The following UGT2B7 variants were observed in gnomAD, a reference collection of about 807,000 sequenced individuals.
UGT2B7 encodes the protein UDP-glucuronosyltransferase 2B7.
Under a neutral mutation model 51.9 loss-of-function variants are expected in UGT2B7, and 51 were observed. The observed-to-expected ratio is 0.98, with a 90% CI of 0.78 to 1.24. UGT2B7 has a LOEUF of 1.24. UGT2B7 is among the 50% of genes most tolerant of loss of function. The pLI is 0.00. For missense variants in UGT2B7, 727 were observed against 628.4 expected, an observed-to-expected ratio of 1.16 and a Z score of -1.68; for synonymous variants, 225 against 211.6, an observed-to-expected ratio of 1.06 and a Z score of -0.55.
chr4:69,103,607 C>T (rs1399816729), intron 3 of UGT2B7, among the ~76,000 whole-genome samples: 1 of 152,142 alleles, frequency 6.6e-6, no homozygotes, highest in Non-Finnish European at 1.5e-5. Flanking sequence ...AAACGTATAT[C>T]CAGAACTGTG....
At chr4:69,080,863 G>A (rs1718822175) in intron 1 of UGT2B7, among the ~76,000 whole-genome samples, 1 of 152,042 alleles carries the variant, frequency 6.6e-6, no homozygotes, top group South Asian at 2.1e-4. Context: ...TTGAGCATAG[G>A]AACTACATCA....
chr4:69,073,665 A>G (rs1437615693), intron 1 of UGT2B7, among the ~76,000 whole-genome samples: 1 of 152,214 alleles, frequency 6.6e-6, no homozygotes, highest in Non-Finnish European at 1.5e-5. Flanking sequence ...AGACAAACAC[A>G]TTGAATAGGT....
intron 1 of UGT2B7, 137 bp from the exon 2 acceptor site, chr4:69,098,403 A>G (rs1719309646): frequency 5.5e-6 from 5 of 901,956 alleles, no homozygotes; most frequent in Non-Finnish European, 7.8e-6. Context: ...TTATATCTAT[A>G]TATGAATATG....
intron 3 of UGT2B7, among the ~76,000 whole-genome samples, chr4:69,105,417 A>G (rs1443648658): frequency 2.6e-5 from 4 of 152,210 alleles, no homozygotes; most frequent in African/African-American, 4.8e-5. Flanking sequence ...TGTAGCAAAT[A>G]AAAGTTAAAC....
intron 1 of UGT2B7, among the ~76,000 whole-genome samples, chr4:69,073,372 T>C (rs555796339): frequency 1.3e-5 from 2 of 152,344 alleles, no homozygotes; most frequent in South Asian, 2.1e-4. Flanking sequence ...ATTTTGTTCA[T>C]GTCCTGCAGT....
chr4:69,075,169 C>G (rs1275211700), intron 1 of UGT2B7, among the ~76,000 whole-genome samples: 1 of 152,042 alleles, frequency 6.6e-6, no homozygotes, highest in East Asian at 1.9e-4. Context: ...AACTCAATAG[C>G]TTAAATTTGT....
intron 2 of UGT2B7, among the ~76,000 whole-genome samples, chr4:69,090,481 T>G (rs202165849): frequency 1.0e-5 from 1 of 97,038 alleles, no homozygotes; most frequent in African/African-American, 5.1e-5. Flanking sequence ...TAAAAATAAA[T>G]TAATATATAA....
chr4:69,081,917 G>A (rs1403032151), intron 1 of UGT2B7, among the ~76,000 whole-genome samples: 2 of 151,834 alleles, frequency 1.3e-5, no homozygotes. Flanking sequence ...TATGCTTGTG[G>A]CAATTGCACA....
chr4:69,082,477 A>G (rs1482187910), intron 1 of UGT2B7, among the ~76,000 whole-genome samples: 6 of 152,068 alleles, frequency 3.9e-5, no homozygotes, highest in African/African-American at 1.4e-4. Context: ...AATGGTAAAA[A>G]AGTAAAACCG....
rs1553911355 is a variant in UGT2B7 at position 69,063,325 on chromosome 4, A to AAAAAAAAAG, written c.-159+11731_-159+11732insGAAAAAAAA. 1.2e-3 allele frequency among the ~76,000 whole-genome samples: 155 copies of AAAAAAAAAG among 126,508 alleles called. 1 individual carries two copies. Among genetic ancestry groups the AAAAAAAAAG allele is most frequent in the East Asian group, 2.4e-3 (10 of 4,216 alleles). 83.0% of individuals were successfully genotyped at this position (126,508 alleles called of 152,430 possible). ...CAGAGCGAGACTCCGTCTCAAAAAA[A>AAAAAAAAAG]AAAAAAAAAAAAAAGAAACACAGTA... On this transcript the variant is annotated intron_variant, in intron 1 of 5. Coordinates refer to the UGT2B7 transcript ENST00000502942.
chr4:69,098,516 C>CTTTTTT, intron 1 of UGT2B7, 24 bp from the exon 2 acceptor site: 6 of 1,474,864 alleles, frequency 4.1e-6, no homozygotes, highest in Admixed American at 2.3e-5. Context: ...TGTCATCCAC[C>CTTTTTT]TTTTTTTTTT....
At position 69,090,312 on chromosome 4, in the gene UGT2B7, T is replaced by C. The variant is rs145906411; in HGVS notation, c.-27+709T>C. 3.9e-5 allele frequency among the ~76,000 whole-genome samples: 6 copies of C among 152,290 alleles called. No homozygotes were observed. The East Asian group carries it at 1.2e-3, about 29-fold the overall frequency. ...CTAATTAGGATTGTGAAATTAGTTTTGCCTATTAAATTGGAATATCTATGT... is the reference window on the plus strand; with the variant it reads ...CTAATTAGGATTGTGAAATTAGTTTCGCCTATTAAATTGGAATATCTATGT... On this transcript the variant is annotated intron_variant, in intron 2 of 5. Transcript: ENST00000502942.
Position 69,108,222 on chromosome 4 carries a change from G to A in UGT2B7, c.1210G>A (p.Ala404Thr), listed in dbSNP as rs201964275. 1.1e-5 allele frequency: 17 copies of A among 1,613,644 alleles called. No homozygotes were observed. The highest frequency in any genetic ancestry group is 1.7e-6 in the Non-Finnish European group (2 of 1,179,758). Residue 404 changes from alanine (A) to threonine (T), a missense_variant, in exon 5 of 6, where the codon GCT becomes ACT. Physicochemically the swap from Ala to Thr is moderately conservative, Grantham distance 58. Transcript: ENST00000305231. ...GTTTGCCGATCAACCTGATAACATT[G>A]CTCACATGAAGGCCAGGGGAGCAGC... ...PLFADQPDNI[A>T]HMKARGAAVR...
chr4:69,083,199 G>T (rs1007068626), intron 1 of UGT2B7, among the ~76,000 whole-genome samples: 1 of 152,054 alleles, frequency 6.6e-6, no homozygotes, highest in Non-Finnish European at 1.5e-5. Flanking sequence ...CAAAAGTTCT[G>T]ATAGGAATGT....
chr4:69,062,557 C>T (rs1046052951), intron 1 of UGT2B7, among the ~76,000 whole-genome samples: 10 of 152,132 alleles, frequency 6.6e-5, no homozygotes, highest in African/African-American at 2.4e-4. Flanking sequence ...TTGCAGGTAT[C>T]GTGCCTTGGA....
At chr4:69,081,987 A>G (rs1354509498) in intron 1 of UGT2B7, among the ~76,000 whole-genome samples, 3 of 152,000 alleles carry the variant, frequency 2.0e-5, no homozygotes, top group African/African-American at 7.2e-5. Flanking sequence ...TATCTCTGTG[A>G]CCCATTTTGC....
intron 2 of UGT2B7, among the ~76,000 whole-genome samples, chr4:69,090,110 A>G (rs1022492569): frequency 2.6e-5 from 4 of 152,188 alleles, no homozygotes; most frequent in African/African-American, 4.8e-5. Context: ...CTTTTCAAGA[A>G]TTAAAAGGCA....
intron 1 of UGT2B7, among the ~76,000 whole-genome samples, chr4:69,062,368 G>A (rs754134430): frequency 2.0e-5 from 3 of 152,160 alleles, no homozygotes; most frequent in Non-Finnish European, 4.4e-5. Flanking sequence ...CTTTAGATAT[G>A]GCCATGCAAA....
chr4:69,104,345 A>C (rs866115889), intron 3 of UGT2B7, among the ~76,000 whole-genome samples: 1 of 152,144 alleles, frequency 6.6e-6, no homozygotes, highest in African/African-American at 2.4e-5. Flanking sequence ...TTTTATAAAG[A>C]TGGAGTCTGG....
Sources: allele counts gnomAD v4.1 joint callset (sites outside exome capture counted in the v4.1 genomes callset), GRCh38; gene constraint gnomAD v4.1.1; transcripts MANE v1.5; gene names NCBI Gene and HGNC (gene_info 2026-07-23, HGNC 2026-07-21).